ATP8A2: variants seen among roughly 807,000 people sequenced by gnomAD.
ATP8A2 encodes phospholipid-transporting ATPase IB.
ATP8A2 carries 100 observed loss-of-function variants against 165.6 expected under a neutral mutation model. That is an observed-to-expected ratio of 0.60 (90% CI 0.51 to 0.71). The LOEUF is 0.71. Ranked by LOEUF, ATP8A2 falls within the 30% of genes least tolerant of loss-of-function variation. The pLI is 0.00. For synonymous variants in ATP8A2, 543 were observed against 548.8 expected, an observed-to-expected ratio of 0.99 and a Z score of 0.15; for missense variants, 1,227 against 1,479.5, an observed-to-expected ratio of 0.83 and a Z score of 2.80.
rs535414443 is a variant in ATP8A2 at position 25,495,095 on chromosome 13, C to T, written c.221+25974C>T. Among the ~76,000 whole-genome samples the T allele has an allele frequency of 1.6e-4, 24 of 152,344 alleles. 1 individual carries two copies. The South Asian group carries it at 4.1e-3, about 26-fold the overall frequency. ...CCACCTTGGTTGTTGTTCCTGAGCA[C>T]GTTGAGGACATTTGGGCAAACACAA... On this transcript the variant is annotated intron_variant, in intron 2 of 36. Transcript: ENST00000381655.
At chr13:25,831,843 A>G (rs567020796) in intron 28 of ATP8A2, among the ~76,000 whole-genome samples, 3 of 152,238 alleles carry the variant, frequency 2.0e-5, no homozygotes, top group East Asian at 2.0e-4. Context: ...ACTCTGTCTC[A>G]AAAACAACAA....
Position 25,842,061 on chromosome 13 carries a change from C to T in ATP8A2, c.2956+2437C>T, listed in dbSNP as rs191774777. 9.2e-5 allele frequency among the ~76,000 whole-genome samples: 14 copies of T among 152,252 alleles called. 1 individual carries two copies. In the East Asian group the frequency reaches 2.3e-3, roughly 25 times the overall value. On this transcript the variant is annotated intron_variant, in intron 30 of 36. Coordinates refer to ENST00000381655, the MANE Select transcript of ATP8A2 (RefSeq NM_016529.6). ...TCAAACTTTCAACACATGAGCTTTG[C>T]GGGCTGCATTCAAACCAGAGCAGAT...
chr13:25,608,717 TATGC>T (rs1382748863), intron 24 of ATP8A2, among the ~76,000 whole-genome samples: 3 of 152,188 alleles, frequency 2.0e-5, no homozygotes, highest in Non-Finnish European at 4.4e-5. Flanking sequence ...TCAGTGTGAT[TATGC>T]CATACATACA....
At chr13:26,008,524 C>A (rs546829241) in intron 35 of ATP8A2, among the ~76,000 whole-genome samples, 7 of 151,946 alleles carry the variant, frequency 4.6e-5, no homozygotes, top group Admixed American at 3.9e-4. Flanking sequence ...AAATAGAGAA[C>A]GGAGGGGAGG....
At chr13:25,390,673 T>G (rs2033211832) in intron 1 of ATP8A2, among the ~76,000 whole-genome samples, 1 of 152,188 alleles carries the variant, frequency 6.6e-6, no homozygotes, top group Admixed American at 6.5e-5. Context: ...CTCACGCCTG[T>G]AATCTCAGCA....
intron 33 of ATP8A2, among the ~76,000 whole-genome samples, chr13:25,884,486 C>G (rs1281214187): frequency 1.3e-5 from 2 of 152,206 alleles, no homozygotes; most frequent in African/African-American, 4.8e-5. Flanking sequence ...TTAGCAGGCT[C>G]TTAGAAGGCA....
intron 35 of ATP8A2, among the ~76,000 whole-genome samples, chr13:25,979,470 A>G (rs771541133): frequency 6.6e-6 from 1 of 152,130 alleles, no homozygotes; most frequent in African/African-American, 2.4e-5. Flanking sequence ...TCCTTTTCTA[A>G]TAGGGCAGTG....
At chr13:25,920,086 C>T (rs150501995) in intron 33 of ATP8A2, among the ~76,000 whole-genome samples, 24 of 152,308 alleles carry the variant, frequency 1.6e-4, no homozygotes, top group Non-Finnish European at 1.9e-4. Context: ...CTGCGACCAG[C>T]GTTGTTTTGT....
chr13:25,493,968 G>A (rs993804167), intron 2 of ATP8A2, among the ~76,000 whole-genome samples: 2 of 152,086 alleles, frequency 1.3e-5, no homozygotes, highest in African/African-American at 2.4e-5. Context: ...TTTGGGAGTC[G>A]GTTTGTGTGT....
intron 23 of ATP8A2, among the ~76,000 whole-genome samples, chr13:25,584,722 T>C (rs973155284): frequency 6.6e-6 from 1 of 152,218 alleles, no homozygotes; most frequent in African/African-American, 2.4e-5. Flanking sequence ...GGGATTCACA[T>C]AGCTTTTGCA....
intron 27 of ATP8A2, among the ~76,000 whole-genome samples, chr13:25,819,453 A>G (rs1951110403): frequency 1.3e-5 from 2 of 152,148 alleles, no homozygotes; most frequent in African/African-American, 2.4e-5. Flanking sequence ...CCTTTGCTCT[A>G]TAATAGCATT....
intron 25 of ATP8A2, among the ~76,000 whole-genome samples, chr13:25,734,373 T>A (rs984251858): frequency 2.0e-5 from 3 of 152,240 alleles, no homozygotes; most frequent in African/African-American, 7.2e-5. Context: ...TTTCCCATCT[T>A]CAGTTTATGT....
intron 35 of ATP8A2, among the ~76,000 whole-genome samples, chr13:25,993,867 C>T (rs111546524): frequency 1.3e-5 from 2 of 152,134 alleles, no homozygotes; most frequent in African/African-American, 2.4e-5. Flanking sequence ...TCATCTGTAA[C>T]GACAAAAAAT....
At chr13:25,802,912 T>A (rs1002743759) in intron 27 of ATP8A2, among the ~76,000 whole-genome samples, 7 of 151,254 alleles carry the variant, frequency 4.6e-5, no homozygotes, top group Non-Finnish European at 7.4e-5. Context: ...GGGAGCTTTT[T>A]AAAATAAAAA....
intron 28 of ATP8A2, 47 bp from the exon 29 acceptor site, chr13:25,837,116 T>C: frequency 6.3e-7 from 1 of 1,599,674 alleles, no homozygotes; most frequent in Middle Eastern, 2.1e-4. Flanking sequence ...AATGAAGCCG[T>C]GTGGATCCGA....
chr13:25,538,367 T>C (rs993490179), intron 7 of ATP8A2, among the ~76,000 whole-genome samples: 1 of 152,206 alleles, frequency 6.6e-6, no homozygotes, highest in Non-Finnish European at 1.5e-5. Flanking sequence ...CATTCATTAA[T>C]GTCAGGTTGC....
intron 1 of ATP8A2, among the ~76,000 whole-genome samples, chr13:25,382,588 C>G (rs2032877241): frequency 6.6e-6 from 1 of 152,144 alleles, no homozygotes. Flanking sequence ...ATATCCTCAC[C>G]AGCATTTGGT....
rs1387115369 is a variant in ATP8A2, at chr13:25,769,242, G to C, written c.2568+13G>C. The C allele has an allele frequency of 3.7e-6, 6 of 1,600,620 alleles. No homozygotes were observed. The highest frequency in any genetic ancestry group is 5.1e-6 in the Non-Finnish European group (6 of 1,170,292). On this transcript the variant is annotated intron_variant, in intron 26 of 36. Transcript: ENST00000381655. The stretch of plus-strand genomic sequence containing the variant: ...CGCCATCGCACAGGTCAGCAGCTTG[G>C]GCGTCCAGCTGCCCTGTCCTGTTGA...
intron 1 of ATP8A2, among the ~76,000 whole-genome samples, chr13:25,453,825 T>C (rs1173837121): frequency 1.3e-5 from 2 of 152,204 alleles, no homozygotes; most frequent in East Asian, 3.8e-4. Context: ...GGCTAAGAAA[T>C]AGGCAGGTGA....
Sources: gnomAD v4.1 joint callset for allele counts (sites outside exome capture counted in the v4.1 genomes callset) on GRCh38, gnomAD v4.1.1 for gene constraint, MANE v1.5 for transcripts, NCBI Gene and HGNC (gene_info 2026-07-23, HGNC 2026-07-21) for gene names.